Variants in C2CD5 observed in about 807,000 individuals in gnomAD.
C2CD5 encodes the protein C2 domain-containing protein 5.
A neutral mutation model predicts 130.3 loss-of-function variants in C2CD5; 109 were observed. The observed-to-expected ratio is 0.84, with a 90% CI of 0.72 to 0.98. C2CD5 has a LOEUF of 0.98. Among genes scored for constraint, C2CD5 ranks in the 50% least tolerant of loss-of-function variants. The pLI is 0.00. For synonymous variants in C2CD5, 454 were observed against 429.2 expected (o/e 1.06, Z -0.71); for missense variants, 996 against 1,261.8 (o/e 0.79, Z 3.19).
intron 8 of C2CD5, among the ~76,000 whole-genome samples, chr12:22,517,039 G>A (rs999754498): frequency 1.3e-5 from 2 of 151,710 alleles, no homozygotes; most frequent in African/African-American, 2.4e-5. Context: ...TAAATCTATA[G>A]GCTTTTTAAA....
intron 22 of C2CD5, chr12:22,463,961 G>A (rs1236256763): frequency 1.3e-5 from 2 of 151,890 alleles, no homozygotes; most frequent in African/African-American, 4.8e-5. Context: ...GTTTCTTTAG[G>A]AATTTCCATC....
chr12:22,531,538 T>G (rs956536437), intron 3 of C2CD5, among the ~76,000 whole-genome samples: 2 of 152,154 alleles, frequency 1.3e-5, no homozygotes, highest in African/African-American at 4.8e-5. Flanking sequence ...CCTAAACAAT[T>G]TACTGACTTC....
intron 26 of C2CD5, among the ~76,000 whole-genome samples, chr12:22,451,718 T>G (rs1938654360): frequency 6.6e-6 from 1 of 151,940 alleles, no homozygotes; most frequent in African/African-American, 2.4e-5. Flanking sequence ...GCACAGTTCA[T>G]TTGGAAAACC....
At position 22,513,864 on chromosome 12, in the gene C2CD5, T is replaced by C. The variant is rs544949572; in HGVS notation, c.953-485A>G. On this transcript the variant is annotated intron_variant, in intron 8 of 26. Coordinates refer to ENST00000446597, the MANE Select transcript of C2CD5 (RefSeq NM_001286176.2). ...ATAAAATTCAGGTGAGTCTGAAATA[T>C]AGTCAAATCTATTTTCTTATAACTT... Among the ~76,000 whole-genome samples the C allele has an allele frequency of 2.1e-4, 32 of 152,286 alleles. 1 individual carries two copies. Among genetic ancestry groups the C allele is most frequent in the Middle Eastern group, 3.4e-3 (1 of 294 alleles).
chr12:22,491,559 A>G (rs1377519294), intron 11 of C2CD5, among the ~76,000 whole-genome samples: 2 of 152,162 alleles, frequency 1.3e-5, no homozygotes, highest in Non-Finnish European at 1.5e-5. Flanking sequence ...TAAATGTGAT[A>G]CCAAGAACTA....
At chr12:22,498,954 G>A (rs1301218130) in intron 10 of C2CD5, among the ~76,000 whole-genome samples, 1 of 151,916 alleles carries the variant, frequency 6.6e-6, no homozygotes, top group East Asian at 1.9e-4. Context: ...TCTCTACAGA[G>A]GAAAAAATAG....
chr12:22,536,045 ATGTAGCAC>A (rs1393109947), intron 2 of C2CD5, among the ~76,000 whole-genome samples: 3 of 152,136 alleles, frequency 2.0e-5, no homozygotes, highest in Admixed American at 6.5e-5. Flanking sequence ...AAGCAACACA[ATGTAGCAC>A]TAAATAGAAT....
chr12:22,481,047 T>C (rs1179964023), intron 14 of C2CD5, among the ~76,000 whole-genome samples: 1 of 152,122 alleles, frequency 6.6e-6, no homozygotes, highest in Non-Finnish European at 1.5e-5. Context: ...TTGAACGATC[T>C]GCCCACCTCA....
At chr12:22,504,849 C>G (rs893435103) in intron 10 of C2CD5, among the ~76,000 whole-genome samples, 2 of 152,078 alleles carry the variant, frequency 1.3e-5, no homozygotes, top group African/African-American at 4.8e-5. Flanking sequence ...GCATAGTCTT[C>G]AAGATCCCAA....
At chr12:22,506,163 G>C (rs750864785) in intron 10 of C2CD5, among the ~76,000 whole-genome samples, 2 of 152,090 alleles carry the variant, frequency 1.3e-5, no homozygotes, top group African/African-American at 2.4e-5. Context: ...CTGTTCCTAT[G>C]ACACCCACAG....
At chr12:22,498,878 C>A (rs1022159709) in intron 10 of C2CD5, among the ~76,000 whole-genome samples, 1 of 152,056 alleles carries the variant, frequency 6.6e-6, no homozygotes, top group African/African-American at 2.4e-5. Flanking sequence ...CATTTTGATA[C>A]CACGCTATAT....
chr12:22,512,761 A>G, intron 9 of C2CD5: 1 of 929,904 alleles, frequency 1.1e-6, no homozygotes, highest in Non-Finnish European at 1.6e-6. Flanking sequence ...TTTCCCAATG[A>G]ACAAATATAG....
chr12:22,483,065 T>G (rs1462187453), intron 13 of C2CD5, among the ~76,000 whole-genome samples: 1 of 152,092 alleles, frequency 6.6e-6, no homozygotes, highest in Non-Finnish European at 1.5e-5. Flanking sequence ...ACACAAAGGA[T>G]AAATGCGTGA....
At chr12:22,484,998 A>C in intron 12 of C2CD5, 110 bp from the exon 13 acceptor site, 1 of 463,688 alleles carries the variant, frequency 2.2e-6, no homozygotes, top group East Asian at 3.4e-5. Context: ...GAACTATCCA[A>C]CTTCTACTGC....
chr12:22,544,096 C>G lies in C2CD5; in HGVS notation c.55G>C (p.Asp19His). 1 of 1,613,920 alleles carries G rather than the reference C, an allele frequency of 6.2e-7. No individual in the cohort carries two copies. Among genetic ancestry groups the G allele is most frequent in the Non-Finnish European group, 8.5e-7 (1 of 1,179,898 alleles). Residue 19 changes from aspartate (D) to histidine (H), a missense_variant, in exon 2 of 27, where the codon GAC becomes CAC. Transcript: ENST00000446597. Reference protein sequence around the residue: ...IVAGRHLPVMDRASDLTDAFV... With the variant: ...IVAGRHLPVMHRASDLTDAFV... ...GCATCAGTCAGGTCACTAGCACGGT[C>G]CATCACTGGCAAATGGCGCCCGGCC...
At chr12:22,524,741 T>C (rs1362867371) in intron 5 of C2CD5, 114 bp from the exon 6 acceptor site, 1 of 646,158 alleles carries the variant, frequency 1.5e-6, no homozygotes, top group Non-Finnish European at 2.6e-6. Flanking sequence ...CATCTTTTAC[T>C]GTAATATTTT....
intron 14 of C2CD5, among the ~76,000 whole-genome samples, chr12:22,481,515 T>C (rs1166701207): frequency 2.0e-5 from 3 of 152,162 alleles, no homozygotes; most frequent in African/African-American, 4.8e-5. Flanking sequence ...CCTACACTAC[T>C]TATAGAAGCA....
At chr12:22,544,234 C>G (rs1952718659) in intron 1 of C2CD5, 55 bp from the exon 2 acceptor site, 4 of 1,379,106 alleles carry the variant, frequency 2.9e-6, no homozygotes, top group Non-Finnish European at 4.1e-6. Flanking sequence ...GGGAGAGGGG[C>G]GGAGGCGCGC....
chr12:22,471,868 C>A, intron 19 of C2CD5, 99 bp downstream of exon 19: 2 of 731,152 alleles, frequency 2.7e-6, no homozygotes, highest in Non-Finnish European at 4.9e-6. Flanking sequence ...TGATTCAGCC[C>A]ACAACTGTGT....
Sources: allele counts gnomAD v4.1 joint callset (sites outside exome capture counted in the v4.1 genomes callset), GRCh38; gene constraint gnomAD v4.1.1; transcripts MANE v1.5; gene names NCBI Gene and HGNC (gene_info 2026-07-23, HGNC 2026-07-21).